RBM17: variants seen among roughly 807,000 people sequenced by gnomAD.
RBM17 encodes RNA binding motif protein 17.
In RBM17, 7 loss-of-function variants were observed where a neutral mutation model predicts 53.2. The observed-to-expected ratio is 0.13, with a 90% CI of 0.07 to 0.25. The LOEUF (loss-of-function observed/expected upper bound fraction) is 0.25. Among genes scored for constraint, RBM17 ranks in the 10% least tolerant of loss-of-function variants. The pLI, the probability that RBM17 is intolerant of heterozygous loss-of-function variation, is 1.00. For synonymous variants in RBM17, 167 were observed against 178.1 expected, an observed-to-expected ratio of 0.94 and a Z score of 0.50; for missense variants, 257 against 496.7, an observed-to-expected ratio of 0.52 and a Z score of 4.59.
intron 1 of RBM17, among the ~76,000 whole-genome samples, chr10:6,093,266 T>A (rs1379603154): frequency 6.6e-6 from 1 of 152,176 alleles, no homozygotes; most frequent in Non-Finnish European, 1.5e-5. Flanking sequence ...CAGGCTGGAG[T>A]GCAGTGGTGC....
chr10:6,092,622 TAAAC>T (rs1389110009), intron 1 of RBM17, among the ~76,000 whole-genome samples: 1 of 152,144 alleles, frequency 6.6e-6, no homozygotes, highest in East Asian at 1.9e-4. Context: ...TTATAATAAT[TAAAC>T]AAAAGCAGGT....
chr10:6,109,088 G>A (rs1840799209), intron 6 of RBM17, among the ~76,000 whole-genome samples: 1 of 152,196 alleles, frequency 6.6e-6, no homozygotes, highest in African/African-American at 2.4e-5. Context: ...TTTAGAGGCT[G>A]TTATATTCAT....
chr10:6,093,828 A>G (rs1219742690), intron 1 of RBM17, among the ~76,000 whole-genome samples: 1 of 152,256 alleles, frequency 6.6e-6, no homozygotes, highest in African/African-American at 2.4e-5. Flanking sequence ...GTCTAAACAC[A>G]AAATTCATTT....
At chr10:6,093,687 T>C (rs11256685) in intron 1 of RBM17, among the ~76,000 whole-genome samples, 2,468 of 152,262 alleles carry the variant, frequency 0.016, 42 homozygotes, top group East Asian at 0.041. Flanking sequence ...GTTCTCAAGT[T>C]ATAAAGAGAA....
At chr10:6,106,064 CA>C in intron 4 of RBM17, 76 bp from the exon 5 acceptor site, 1 of 976,460 alleles carries the variant, frequency 1.0e-6, no homozygotes, top group Non-Finnish European at 1.6e-6. Flanking sequence ...ATCTTCTGGT[CA>C]AGAGGAAGTC....
chr10:6,106,842 T>C (rs1725128610), intron 5 of RBM17, among the ~76,000 whole-genome samples: 1 of 152,230 alleles, frequency 6.6e-6, no homozygotes, highest in South Asian at 2.1e-4. Context: ...TTTGACCTTG[T>C]AGCTCATGAT....
chr10:6,101,604 C>T (rs373359355), intron 3 of RBM17, among the ~76,000 whole-genome samples: 22 of 152,272 alleles, frequency 1.4e-4, no homozygotes, highest in African/African-American at 5.3e-4. Context: ...ACTAGAGATA[C>T]GCAGAAAGAA....
intron 2 of RBM17, among the ~76,000 whole-genome samples, chr10:6,098,567 T>G (rs1021413128): frequency 3.9e-5 from 2 of 51,324 alleles, no homozygotes; most frequent in African/African-American, 8.4e-5. Context: ...TTTTTTGTTT[T>G]TTTTTTTTTT....
chr10:6,115,153 T>A (rs1322940548), intron 10 of RBM17, 86 bp from the exon 11 acceptor site: 2 of 994,296 alleles, frequency 2.0e-6, no homozygotes, highest in Non-Finnish European at 3.0e-6. Context: ...AATTAGAATA[T>A]CCACTCTGAG....
At position 6,106,133 on chromosome 10, in the gene RBM17, T is replaced by A. The variant is rs1208171504; in HGVS notation, c.408-8T>A. The A allele has an allele frequency of 6.2e-6, 10 of 1,602,686 alleles. No homozygotes were observed. The highest frequency in any genetic ancestry group is 1.3e-5 in the African/African-American group (1 of 74,698). On this transcript the variant is annotated splice_polypyrimidine_tract_variant and splice_region_variant and intron_variant, in intron 4 of 11. Coordinates refer to ENST00000379888, the MANE Select transcript of RBM17 (RefSeq NM_032905.5). ...TGTGATGAACATTTATTTCCTTTGT[T>A]ATCACAGAAGGCGTAAAGACAGACA...
chr10:6,097,964 G>T (rs1277108237), intron 2 of RBM17, among the ~76,000 whole-genome samples: 1 of 152,212 alleles, frequency 6.6e-6, no homozygotes, highest in Non-Finnish European at 1.5e-5. Flanking sequence ...GGCTCAGGTT[G>T]ATTGTGAAGG....
In RBM17 at chr10:6,112,294, T is replaced by G. The variant is rs576220786; in HGVS notation, c.789T>G (p.Thr263=). 1.2e-6 allele frequency: 2 copies of G among 1,614,010 alleles called. No homozygotes were observed. The highest frequency in any genetic ancestry group is 3.3e-5 in the Admixed American group (2 of 60,014). ...GLGKHEQGLS[T]ALSVEKTSKR... is the part of the protein sequence containing the mutation. Reference sequence around the variant, plus strand: ...GGAAGCATGAGCAGGGCCTGAGCACTGCCTTGTCAGTGGAGAAGACCAGCA... The same window carrying G: ...GGAAGCATGAGCAGGGCCTGAGCACGGCCTTGTCAGTGGAGAAGACCAGCA... Residue 263 remains threonine, a synonymous_variant, in exon 8 of 12, where the codon ACT becomes ACG. Coordinates refer to ENST00000379888, the MANE Select transcript of RBM17 (RefSeq NM_032905.5). The surrounding 1 kb of genome is among the most constrained non-coding windows in gnomAD (Gnocchi z 4.4).
rs45575732 is a variant in RBM17 at position 6,110,005 on chromosome 10, T to C, written c.582T>C (p.Tyr194=). 1.2e-6 allele frequency: 2 copies of C among 1,609,916 alleles called. No homozygotes were observed. The highest frequency in any genetic ancestry group is 1.3e-5 in the African/African-American group (1 of 74,962). ...KDKELPRDFP[Y]EEDSRPRSQS... ...CAATAGTACCCCGAGATTTTCCTTA[T>C]GAAGAGGACTCAAGACCTCGATCAC... The change falls in exon 7 of 12, where the codon TAT becomes TAC. Residue 194 remains tyrosine, a synonymous_variant. Transcript: ENST00000379888.
At chr10:6,108,882 C>T (rs568467063) in intron 6 of RBM17, 140 bp downstream of exon 6, 447,591 of 607,142 alleles carry the variant, frequency 0.74, 167,115 homozygotes, top group Non-Finnish European at 0.77. Context: ...CACCTGAGGC[C>T]GCACCTGGAT....
At chr10:6,107,521 G>A (rs537238303) in intron 5 of RBM17, among the ~76,000 whole-genome samples, 11 of 108,404 alleles carry the variant, frequency 1.0e-4, no homozygotes, top group African/African-American at 3.7e-4. Flanking sequence ...TTGCTCTGTT[G>A]CCCAGGCTGG....
rs1840905365 is a variant in RBM17, at chr10:6,115,765, CCT to C, written c.*214_*215del. Reference sequence around the variant, plus strand: ...TTTTAAAAAAACAACAATCTGTGTGCCTCTCTGGTTGTTTCTCTTTTTTATTA... The same window carrying C: ...TTTTAAAAAAACAACAATCTGTGTGCCTCTGGTTGTTTCTCTTTTTTATTA... On this transcript the variant is annotated 3_prime_UTR_variant, in exon 12 of 12. Transcript: ENST00000379888. The C allele has an allele frequency of 1.0e-5, 4 of 401,352 alleles. No homozygotes were observed. Among genetic ancestry groups the C allele is most frequent in the Non-Finnish European group, 1.3e-5 (3 of 227,908 alleles). 24.9% of individuals were successfully genotyped at this position (401,352 alleles called of 1,614,324 possible).
At position 6,096,953 on chromosome 10, in the gene RBM17, A is replaced by G; in HGVS notation, c.-18-95A>G. On this transcript the variant is annotated intron_variant, in intron 1 of 11. Coordinates refer to ENST00000379888, the MANE Select transcript of RBM17 (RefSeq NM_032905.5). ...GGCCTCTGTTGCTGAAAGGTCCTGG[A>G]CCTTTTACCTCTAAAATTTCATGAT... is the stretch of plus-strand genomic sequence containing the variant. The G allele has an allele frequency of 2.5e-6, 3 of 1,210,356 alleles. No individual in the cohort carries two copies. The East Asian group carries it at 7.3e-5, about 29-fold the overall frequency. 75.0% of individuals were successfully genotyped at this position (1,210,356 alleles called of 1,614,324 possible).
chr10:6,098,556 G>GGTTTTTTTTTTTTTTTTTTTT (rs1840613398), intron 2 of RBM17, among the ~76,000 whole-genome samples: 2 of 87,976 alleles, frequency 2.3e-5, no homozygotes, highest in Admixed American at 1.4e-4. Flanking sequence ...TAATACACAG[G>GGTTTTTTTTTTTTTTTTTTTT]TTTTTTGTTT....
chr10:6,116,188 A>G lies in RBM17; in HGVS notation c.*632A>G, dbSNP rs987841624. 1 of 152,414 alleles carries G rather than the reference A, an allele frequency of 6.6e-6. No homozygotes were observed. The highest frequency in any genetic ancestry group is 1.5e-5 in the Non-Finnish European group (1 of 68,078). The allele number at this position is 152,414 out of a possible 1,614,324, so 9.4% of individuals were successfully genotyped here. ...AATCAGACTGTAGGGTTTGTGATGG[A>G]TTTATGGAGTATGTGGGTATAGAAA... On this transcript the variant is annotated 3_prime_UTR_variant, in exon 12 of 12. Transcript: ENST00000379888.
Sources: gnomAD v4.1 joint callset for allele counts (sites outside exome capture counted in the v4.1 genomes callset) on GRCh38, gnomAD v4.1.1 for gene constraint, Gnocchi (gnomAD v3.1) non-coding constraint, MANE v1.5 for transcripts, NCBI Gene and HGNC (gene_info 2026-07-23, HGNC 2026-07-21) for gene names.